The following MAP4K4 variants were observed in gnomAD, a reference collection of about 807,000 sequenced individuals.
The protein encoded by MAP4K4 is HPK/GCK-like kinase HGK.
MAP4K4 carries 38 observed loss-of-function variants against 189.6 expected under a neutral mutation model. The observed-to-expected ratio is 0.20, with a 90% CI of 0.15 to 0.26. The LOEUF is 0.26. MAP4K4 is among the 10% of genes least tolerant of loss of function. MAP4K4 has a pLI of 1.00. For synonymous variants in MAP4K4, 610 were observed against 624.3 expected (o/e 0.98, Z 0.34); for missense variants, 1,054 against 1,726.9 (o/e 0.61, Z 6.91).
chr2:101,750,223 C>T (rs372071600), intron 2 of MAP4K4, among the ~76,000 whole-genome samples: 18 of 145,444 alleles, frequency 1.2e-4, no homozygotes, highest in East Asian at 4.0e-4. Flanking sequence ...ATGTTTATTG[C>T]GGCATTATTC....
intron 9 of MAP4K4, among the ~76,000 whole-genome samples, chr2:101,836,181 G>A (rs1361460482): frequency 1.3e-5 from 2 of 152,126 alleles, no homozygotes; most frequent in Admixed American, 1.3e-4. Context: ...ATTACAAAAC[G>A]GTGACAAATG....
chr2:101,894,658 T>A (rs1030147252), exon 33 of MAP4K4: 4 of 152,390 alleles, frequency 2.6e-5, no homozygotes, highest in Non-Finnish European at 5.9e-5. Flanking sequence ...CCCCCCACCC[T>A]TTTTTCCTTA....
intron 2 of MAP4K4, among the ~76,000 whole-genome samples, chr2:101,707,123 C>CTG (rs1195347713): frequency 6.6e-6 from 1 of 152,034 alleles, no homozygotes; most frequent in African/African-American, 2.4e-5. Flanking sequence ...GTAGGTCCAA[C>CTG]TGTCTCACTT....
chr2:101,795,767 A>G (rs1245113662), intron 3 of MAP4K4, among the ~76,000 whole-genome samples: 1 of 152,210 alleles, frequency 6.6e-6, no homozygotes, highest in African/African-American at 2.4e-5. Flanking sequence ...TTCAAAAACC[A>G]GAATTTCTTA....
At chr2:101,791,153 G>A (rs2092820222) in intron 3 of MAP4K4, among the ~76,000 whole-genome samples, 1 of 152,122 alleles carries the variant, frequency 6.6e-6, no homozygotes, top group Non-Finnish European at 1.5e-5. Context: ...GCTTCTCTAG[G>A]GTATTAGGCC....
At chr2:101,773,829 G>T (rs1017853227) in intron 2 of MAP4K4, among the ~76,000 whole-genome samples, 12 of 152,156 alleles carry the variant, frequency 7.9e-5, no homozygotes, top group Admixed American at 7.9e-4. Flanking sequence ...GTAAATGAAC[G>T]TGCAATGTCT....
At chr2:101,882,794 T>C in intron 28 of MAP4K4, 109 bp downstream of exon 28, 1 of 1,095,624 alleles carries the variant, frequency 9.1e-7, no homozygotes, top group Non-Finnish European at 1.3e-6. Flanking sequence ...TAAACTTGTT[T>C]CTGAAACACG....
intron 26 of MAP4K4, among the ~76,000 whole-genome samples, chr2:101,876,407 A>G (rs13404077): frequency 0.019 from 2,915 of 152,292 alleles, 95 homozygotes; most frequent in African/African-American, 0.066. Context: ...TCAAATCACA[A>G]TATTTTGATA....
At chr2:101,727,243 TA>T (rs1218124605) in intron 2 of MAP4K4, among the ~76,000 whole-genome samples, 1 of 152,076 alleles carries the variant, frequency 6.6e-6, no homozygotes, top group Non-Finnish European at 1.5e-5. Context: ...AGATGGTCTG[TA>T]GAAATGCAAA....
chr2:101,802,536 A>G (rs1285811529), intron 3 of MAP4K4, among the ~76,000 whole-genome samples: 2 of 151,760 alleles, frequency 1.3e-5, no homozygotes, highest in Non-Finnish European at 2.9e-5. Context: ...CCGCCCAGAG[A>G]CCTGTCACTT....
chr2:101,774,488 A>G (rs2082999163), intron 2 of MAP4K4, among the ~76,000 whole-genome samples: 1 of 152,080 alleles, frequency 6.6e-6, no homozygotes, highest in African/African-American at 2.4e-5. Flanking sequence ...TAGTTTGCAA[A>G]TATTGTCTCT....
At chr2:101,819,091 C>G (rs2095883404) in intron 3 of MAP4K4, among the ~76,000 whole-genome samples, 1 of 152,152 alleles carries the variant, frequency 6.6e-6, no homozygotes, top group South Asian at 2.1e-4. Flanking sequence ...TTTGCCAACT[C>G]AACTTTCTTT....
chr2:101,776,908 A>G (rs1331791539), intron 2 of MAP4K4, among the ~76,000 whole-genome samples: 4 of 152,224 alleles, frequency 2.6e-5, no homozygotes, highest in African/African-American at 4.8e-5. Context: ...ACCTAAATTT[A>G]GGATTTTGTT....
chr2:101,722,928 T>C (rs2053059225), intron 2 of MAP4K4, among the ~76,000 whole-genome samples: 1 of 152,238 alleles, frequency 6.6e-6, no homozygotes, highest in Non-Finnish European at 1.5e-5. Context: ...GAGAACTCCC[T>C]GAGACTGGGC....
chr2:101,879,410 T>C (rs897042954), intron 27 of MAP4K4, among the ~76,000 whole-genome samples: 6 of 151,888 alleles, frequency 4.0e-5, no homozygotes, highest in Non-Finnish European at 7.4e-5. Flanking sequence ...ATCTCAGAGA[T>C]AACTCTTGTT....
At chr2:101,757,569 G>A (rs569139506) in intron 2 of MAP4K4, among the ~76,000 whole-genome samples, 1 of 152,222 alleles carries the variant, frequency 6.6e-6, no homozygotes, top group East Asian at 1.9e-4. Flanking sequence ...AAATAACACA[G>A]TCCCCCCTTA....
chr2:101,859,586 G>A (rs1204627618), intron 14 of MAP4K4, 57 bp from the exon 15 acceptor site: 4 of 1,304,898 alleles, frequency 3.1e-6, no homozygotes, highest in Middle Eastern at 4.3e-4. Flanking sequence ...CAAATCCAGA[G>A]AAGAGGCGAG....
At chr2:101,827,586 C>T (rs1431867940) in intron 5 of MAP4K4, among the ~76,000 whole-genome samples, 1 of 152,142 alleles carries the variant, frequency 6.6e-6, no homozygotes, top group East Asian at 1.9e-4. Flanking sequence ...ACATCTTGAT[C>T]ATTATGATCA....
At chr2:101,777,572 C>T (rs1178474184) in intron 2 of MAP4K4, among the ~76,000 whole-genome samples, 3 of 152,176 alleles carry the variant, frequency 2.0e-5, no homozygotes, top group African/African-American at 4.8e-5. Context: ...ATCAGAGAAA[C>T]CTCCCTGACC....
Sources: allele counts gnomAD v4.1 joint callset (sites outside exome capture counted in the v4.1 genomes callset), GRCh38; gene constraint gnomAD v4.1.1; transcripts MANE v1.5; gene names NCBI Gene and HGNC (gene_info 2026-07-23, HGNC 2026-07-21).